RAI14: variants seen among roughly 807,000 people sequenced by gnomAD.
RAI14 encodes ankycorbin.
RAI14 carries 45 observed loss-of-function variants against 115.4 expected under a neutral mutation model. That is an observed-to-expected ratio of 0.39 (90% CI 0.31 to 0.50). The LOEUF (loss-of-function observed/expected upper bound fraction) is 0.50, where lower values mean the gene tolerates loss of function less well. Among genes scored for constraint, RAI14 ranks in the 20% least tolerant of loss-of-function variants. The probability of loss-of-function intolerance (pLI) is 0.85; values close to 1 mark genes in which losing one functional copy is unlikely to be tolerated. For missense variants in RAI14, 939 were observed against 1,131.2 expected, an observed-to-expected ratio of 0.83 and a Z score of 2.44; for synonymous variants, 371 against 415.4, an observed-to-expected ratio of 0.89 and a Z score of 1.30.
chr5:34,819,118 A>G (rs1230953429), intron 13 of RAI14, among the ~76,000 whole-genome samples: 2 of 152,204 alleles, frequency 1.3e-5, no homozygotes. Flanking sequence ...CAGTTCGTTC[A>G]ATTATGAGTA....
chr5:34,698,826 A>T (rs1739668440), intron 2 of RAI14, among the ~76,000 whole-genome samples: 1 of 152,142 alleles, frequency 6.6e-6, no homozygotes, highest in African/African-American at 2.4e-5. Flanking sequence ...GTTTTGAGAG[A>T]CCGTAACCAG....
intron 3 of RAI14, among the ~76,000 whole-genome samples, chr5:34,785,345 G>C (rs1417526039): frequency 6.6e-6 from 1 of 151,922 alleles, no homozygotes; most frequent in Non-Finnish European, 1.5e-5. Context: ...CCCATACCAG[G>C]GACATACCCC....
intron 13 of RAI14, 29 bp from the exon 14 acceptor site, chr5:34,821,703 A>G (rs1288964393): frequency 1.7e-5 from 21 of 1,269,038 alleles, no homozygotes; most frequent in Non-Finnish European, 2.0e-5. Flanking sequence ...TAATTGTTTT[A>G]TATTTTAAAT....
intron 9 of RAI14, 24 bp from the exon 10 acceptor site, chr5:34,812,155 CT>C (rs778409907): frequency 2.6e-6 from 4 of 1,554,802 alleles, no homozygotes; most frequent in Admixed American, 1.7e-5. Flanking sequence ...TCTTATAGTT[CT>C]TTTTTTCACT....
chr5:34,746,169 G>A (rs1263113673), intron 2 of RAI14, among the ~76,000 whole-genome samples: 4 of 145,374 alleles, frequency 2.8e-5, no homozygotes, highest in Middle Eastern at 3.7e-3. Context: ...GCAGCTGCGC[G>A]ATCCTGGCTC....
intron 2 of RAI14, among the ~76,000 whole-genome samples, chr5:34,704,810 C>T (rs1740489621): frequency 6.6e-6 from 1 of 152,198 alleles, no homozygotes; most frequent in African/African-American, 2.4e-5. Context: ...GCCACACTTA[C>T]ATTCCGTAGG....
chr5:34,725,883 A>G (rs1021639332), intron 2 of RAI14, among the ~76,000 whole-genome samples: 3 of 149,762 alleles, frequency 2.0e-5, no homozygotes, highest in African/African-American at 7.4e-5. Context: ...AATCGCTTGA[A>G]TCTGGAAGGC....
chr5:34,702,060 G>A (rs1246441226), intron 2 of RAI14, among the ~76,000 whole-genome samples: 1 of 151,910 alleles, frequency 6.6e-6, no homozygotes, highest in Non-Finnish European at 1.5e-5. Context: ...GTGATTCACC[G>A]GCCTTGGCCT....
At chr5:34,752,078 T>G (rs541271807) in intron 2 of RAI14, among the ~76,000 whole-genome samples, 84 of 152,284 alleles carry the variant, frequency 5.5e-4, no homozygotes, top group African/African-American at 2.0e-3. Flanking sequence ...TTCTTGTGAC[T>G]GGGAGACATC....
chr5:34,739,379 A>G (rs1291344608), intron 2 of RAI14, among the ~76,000 whole-genome samples: 4 of 152,128 alleles, frequency 2.6e-5, no homozygotes, highest in African/African-American at 4.8e-5. Flanking sequence ...TAAGCACTAT[A>G]TTATACTGCA....
intron 1 of RAI14, among the ~76,000 whole-genome samples, chr5:34,657,770 T>C (rs1742394329): frequency 6.6e-6 from 1 of 152,198 alleles, no homozygotes; most frequent in African/African-American, 2.4e-5. Context: ...AAGCTCGCCT[T>C]AGCGAAGAGA....
chr5:34,693,091 G>A (rs574070607), intron 2 of RAI14, among the ~76,000 whole-genome samples: 69 of 152,166 alleles, frequency 4.5e-4, no homozygotes, highest in Non-Finnish European at 7.6e-4. Context: ...ACATAAAGAC[G>A]CCACTCATAC....
chr5:34,669,011 C>G (rs964740605), intron 1 of RAI14, among the ~76,000 whole-genome samples: 4 of 152,168 alleles, frequency 2.6e-5, no homozygotes, highest in African/African-American at 7.2e-5. Flanking sequence ...CGTGTGCCAC[C>G]ACGTCCAGCT....
chr5:34,710,869 A>G (rs1302239856), intron 2 of RAI14, among the ~76,000 whole-genome samples: 1 of 152,206 alleles, frequency 6.6e-6, no homozygotes, highest in Non-Finnish European at 1.5e-5. Flanking sequence ...CTAGTAGACT[A>G]TTCAATATCT....
At chr5:34,819,408 G>A (rs112660999) in intron 13 of RAI14, among the ~76,000 whole-genome samples, 1 of 152,146 alleles carries the variant, frequency 6.6e-6, no homozygotes, top group Non-Finnish European at 1.5e-5. Flanking sequence ...CAGCTGAGCA[G>A]CACATTATTT....
chr5:34,822,897 C>A, intron 14 of RAI14, 59 bp from the exon 15 acceptor site: 1 of 1,412,508 alleles, frequency 7.1e-7, no homozygotes, highest in Non-Finnish European at 9.7e-7. Flanking sequence ...CCGTGTTAGC[C>A]AGGATGGTCT....
intron 2 of RAI14, among the ~76,000 whole-genome samples, chr5:34,736,760 G>C (rs1744931115): frequency 6.6e-6 from 1 of 152,154 alleles, no homozygotes; most frequent in African/African-American, 2.4e-5. Context: ...GAGTTCTTTA[G>C]GGTTACATCG....
intron 2 of RAI14, among the ~76,000 whole-genome samples, chr5:34,743,387 CA>C (rs1745769445): frequency 6.6e-6 from 1 of 152,176 alleles, no homozygotes; most frequent in South Asian, 2.1e-4. Context: ...CCTTCTTCCT[CA>C]TGTCTCTGCA....
At chr5:34,806,110 A>G (rs1754859287) in intron 5 of RAI14, among the ~76,000 whole-genome samples, 1 of 152,192 alleles carries the variant, frequency 6.6e-6, no homozygotes. Context: ...AGGCCTCGTG[A>G]AGGAGGTGAT....
Sources: allele counts gnomAD v4.1 joint callset (sites outside exome capture counted in the v4.1 genomes callset), GRCh38; gene constraint gnomAD v4.1.1; transcripts MANE v1.5; gene names NCBI Gene and HGNC (gene_info 2026-07-23, HGNC 2026-07-21).